The following PM20D2 variants were observed in gnomAD, a reference collection of about 807,000 sequenced individuals.
PM20D2 encodes the protein xaa-Arg dipeptidase.
A neutral mutation model predicts 42.9 loss-of-function variants in PM20D2; 33 were observed. That is an observed-to-expected ratio of 0.77 (90% CI 0.58 to 1.03). The LOEUF is 1.03. Among genes scored for constraint, PM20D2 ranks in the 50% least tolerant of loss-of-function variants. The pLI is 0.00. For synonymous variants in PM20D2, 250 were observed against 228.2 expected, an observed-to-expected ratio of 1.10 and a Z score of -0.86; for missense variants, 548 against 557.0, an observed-to-expected ratio of 0.98 and a Z score of 0.16.
chr6:89,142,401 AC>A (rs1351775198), upstream of PM20D2, among the ~76,000 whole-genome samples: 1 of 152,062 alleles, frequency 6.6e-6, no homozygotes, highest in Non-Finnish European at 1.5e-5. Context: ...CCAAAGTGAC[AC>A]TGTGATTTGC....
At chr6:89,153,828 C>A (rs1270277310) in intron 3 of PM20D2, among the ~76,000 whole-genome samples, 1 of 152,284 alleles carries the variant, frequency 6.6e-6, no homozygotes, top group South Asian at 2.1e-4. Flanking sequence ...TCTCAAACTC[C>A]TGGCCTTAAG....
At chr6:89,118,007 C>G in the PM20D2 span, 7 of 1,078,846 alleles carry the variant, frequency 6.5e-6, no homozygotes, top group Non-Finnish European at 9.0e-6. Flanking sequence ...CACCCCTCGG[C>G]CTCAGCCCCG....
At chr6:89,158,122 A>T (rs535579809) in intron 4 of PM20D2, among the ~76,000 whole-genome samples, 1 of 152,196 alleles carries the variant, frequency 6.6e-6, no homozygotes, top group African/African-American at 2.4e-5. Context: ...TATATATAGC[A>T]TAAAAGAGAG....
the PM20D2 span, among the ~76,000 whole-genome samples, chr6:89,139,343 G>A: frequency 1.3e-4 from 20 of 152,152 alleles, no homozygotes; most frequent in African/African-American, 4.8e-4. Flanking sequence ...CCATAGCACC[G>A]TGATTACATT....
the PM20D2 span, among the ~76,000 whole-genome samples, chr6:89,115,592 C>T: frequency 6.7e-6 from 1 of 148,556 alleles, no homozygotes; most frequent in Admixed American, 6.7e-5. Flanking sequence ...TTATATTTTA[C>T]AGCTTTCAAA....
At chr6:89,114,914 C>A in the PM20D2 span, among the ~76,000 whole-genome samples, 5 of 151,566 alleles carry the variant, frequency 3.3e-5, no homozygotes, top group African/African-American at 9.7e-5. Context: ...CTCCTGTCTC[C>A]GCCTCCCGAG....
chr6:89,146,294 G>A lies in PM20D2; in HGVS notation c.150G>A (p.Glu50=). 6.3e-7 allele frequency: 1 copy of A among 1,581,352 alleles called. No individual in the cohort carries two copies. The highest frequency in any genetic ancestry group is 8.5e-7 in the Non-Finnish European group (1 of 1,172,102). The change falls in exon 1 of 7, where the codon GAG becomes GAA. Residue 50 remains glutamate, a synonymous_variant. Transcript: ENST00000275072. The part of the protein sequence containing the change: ...ALSRAIWSQP[E]LAYEEHHAHR... Reference sequence around the variant, plus strand: ...GCCGCGCGATCTGGAGCCAGCCCGAGCTGGCCTACGAGGAGCACCATGCCC... The same window carrying A: ...GCCGCGCGATCTGGAGCCAGCCCGAACTGGCCTACGAGGAGCACCATGCCC...
At chr6:89,148,613 A>G (rs145932773) in intron 1 of PM20D2, 12,061 of 931,604 alleles carry the variant, frequency 0.013, 105 homozygotes, top group South Asian at 0.028. Context: ...TAACTGTGGC[A>G]TTAAGACTTG....
At chr6:89,162,084 G>A (rs1351114050) in intron 6 of PM20D2, 25 bp from the exon 7 acceptor site, 2 of 1,592,712 alleles carry the variant, frequency 1.3e-6, no homozygotes, top group South Asian at 1.1e-5. Flanking sequence ...AAGTAAGGAG[G>A]TATTTTATTT....
the PM20D2 span, among the ~76,000 whole-genome samples, chr6:89,124,326 T>C: frequency 6.6e-6 from 1 of 152,238 alleles, no homozygotes; most frequent in East Asian, 1.9e-4. Context: ...CCACATTTAA[T>C]GTCTCATCAG....
At chr6:89,115,774 C>CT in the PM20D2 span, among the ~76,000 whole-genome samples, 4 of 149,728 alleles carry the variant, frequency 2.7e-5, no homozygotes, top group African/African-American at 9.9e-5. Flanking sequence ...GCAGCTGGGA[C>CT]TACAGGCACC....
At chr6:89,145,207 A>G (rs960356693), upstream of PM20D2, among the ~76,000 whole-genome samples, 8 of 152,202 alleles carry the variant, frequency 5.3e-5, no homozygotes, top group African/African-American at 1.9e-4. Context: ...TTTGTGGTTC[A>G]CTCTGGAGAA....
At chr6:89,160,307 C>T (rs1026482452) in intron 5 of PM20D2, among the ~76,000 whole-genome samples, 6 of 152,172 alleles carry the variant, frequency 3.9e-5, no homozygotes, top group African/African-American at 1.4e-4. Flanking sequence ...GTGAGACTAT[C>T]GGCATGTTAT....
the PM20D2 span, chr6:89,105,465 C>T: frequency 9.3e-6 from 15 of 1,610,732 alleles, no homozygotes; most frequent in African/African-American, 2.7e-5. Context: ...TTCAATCTGA[C>T]GGCCACATAC....
upstream of PM20D2, among the ~76,000 whole-genome samples, chr6:89,141,699 CTG>C (rs761226270): frequency 2.0e-5 from 3 of 152,308 alleles, no homozygotes; most frequent in Non-Finnish European, 2.9e-5. Flanking sequence ...AGACCTAAGT[CTG>C]TTTCCAATTC....
At chr6:89,149,444 AG>A in intron 2 of PM20D2, 31 bp downstream of exon 2, 1 of 1,608,138 alleles carries the variant, frequency 6.2e-7, no homozygotes, top group South Asian at 1.1e-5. Flanking sequence ...TAAACTTCTT[AG>A]GGGAACACAG....
chr6:89,136,971 CT>C, the PM20D2 span, among the ~76,000 whole-genome samples: 4 of 151,006 alleles, frequency 2.6e-5, no homozygotes, highest in African/African-American at 9.9e-5. Context: ...ATTGTGTCAG[CT>C]TTTAAGGTTT....
chr6:89,144,496 A>G (rs891673454), upstream of PM20D2, among the ~76,000 whole-genome samples: 8 of 152,244 alleles, frequency 5.3e-5, no homozygotes, highest in Non-Finnish European at 1.0e-4. Flanking sequence ...AAAGTCAGCC[A>G]CTGGAGGCTG....
upstream of PM20D2, among the ~76,000 whole-genome samples, chr6:89,142,753 G>A (rs1770373411): frequency 6.6e-6 from 1 of 152,284 alleles, no homozygotes. Flanking sequence ...CACCTCCCGG[G>A]TTCACGCCAT....
Sources: allele counts gnomAD v4.1 joint callset (sites outside exome capture counted in the v4.1 genomes callset), GRCh38; gene constraint gnomAD v4.1.1; transcripts MANE v1.5; gene names NCBI Gene and HGNC (gene_info 2026-07-23, HGNC 2026-07-21).